The following FRMPD4 variants were observed in gnomAD, a reference collection of about 807,000 sequenced individuals.
The protein encoded by FRMPD4 is FERM and PDZ domain containing 4, also known as FERM and PDZ domain-containing protein 4.
Under a neutral mutation model 94.1 loss-of-function variants are expected in FRMPD4, and 22 were observed. The ratio of observed to expected loss-of-function variants is 0.23; its 90% CI spans 0.17 to 0.33. The LOEUF (loss-of-function observed/expected upper bound fraction) is 0.33, where lower values mean the gene tolerates loss of function less well. FRMPD4 is among the 10% of genes least tolerant of loss of function. The probability of loss-of-function intolerance (pLI) is 1.00; values close to 1 mark genes in which losing one functional copy is unlikely to be tolerated. For missense variants in FRMPD4, 1,111 were observed against 1,339.9 expected, an observed-to-expected ratio of 0.83 and a Z score of 2.67; for synonymous variants, 631 against 548.6, an observed-to-expected ratio of 1.15 and a Z score of -2.10.
At chrX:12,343,143 AC>A (rs775357216) in intron 1 of FRMPD4, among the ~76,000 whole-genome samples, 1,356 of 112,177 alleles carry the variant, frequency 0.012, 12 homozygotes, top group Non-Finnish European at 0.018. Context: ...CACTGGAGAG[AC>A]AGTCAATTGA....
At chrX:12,294,450 C>T (rs1451741790) in intron 1 of FRMPD4, among the ~76,000 whole-genome samples, 3 of 69,154 alleles carry the variant, frequency 4.3e-5, no homozygotes, top group African/African-American at 5.9e-5. Flanking sequence ...AAAAACTTGG[C>T]TATAAACTCA....
chrX:12,082,171 T>C (rs1172400976), intron 3 of FRMPD4, among the ~76,000 whole-genome samples: 1 of 111,994 alleles, frequency 8.9e-6, no homozygotes, highest in African/African-American at 3.2e-5. Flanking sequence ...CTTATTGATA[T>C]GGTTTGGCTG....
At chrX:12,715,508 G>T in intron 14 of FRMPD4, among the ~76,000 whole-genome samples, 1 of 111,624 alleles carries the variant, frequency 9.0e-6, no homozygotes, top group Non-Finnish European at 1.9e-5. Flanking sequence ...GAAGATAGAA[G>T]TTTTGTACTA....
intron 9 of FRMPD4, among the ~76,000 whole-genome samples, chrX:12,697,989 G>T (rs1383433957): frequency 8.9e-6 from 1 of 112,124 alleles, no homozygotes. Context: ...GCTACCATAA[G>T]TCTAAAATAA....
intron 1 of FRMPD4, among the ~76,000 whole-genome samples, chrX:12,418,624 C>T (rs998376394): frequency 8.2e-5 from 9 of 109,898 alleles, no homozygotes; most frequent in Non-Finnish European, 1.2e-4. Flanking sequence ...TCCCAAAGTA[C>T]TGGGATTACA....
chrX:11,850,448 G>A (rs1193091802), intron 1 of FRMPD4, among the ~76,000 whole-genome samples: 1 of 111,747 alleles, frequency 8.9e-6, no homozygotes, highest in Non-Finnish European at 1.9e-5. Flanking sequence ...TCTACTTCGG[G>A]GTTTATACAC....
intron 1 of FRMPD4, among the ~76,000 whole-genome samples, chrX:12,364,370 C>T (rs780498211): frequency 2.3e-4 from 26 of 111,211 alleles, no homozygotes; most frequent in Non-Finnish European, 3.8e-4. Flanking sequence ...TTGTGGTTTT[C>T]ATGGGAAGGA....
chrX:12,043,259 T>C (rs978790803), intron 3 of FRMPD4, among the ~76,000 whole-genome samples: 1 of 112,100 alleles, frequency 8.9e-6, no homozygotes, highest in African/African-American at 3.2e-5. Flanking sequence ...TGTATGTATG[T>C]ATGACTTTTT....
chrX:12,572,086 C>A lies in FRMPD4; in HGVS notation c.159-37635C>A, dbSNP rs984665608. Among the ~76,000 whole-genome samples, 5 of 112,297 alleles carry A rather than the reference C, an allele frequency of 4.5e-5. No individual in the cohort carries two copies. The Admixed American group carries it at 4.7e-4, about 11-fold the overall frequency. ...TCAAAATACTCCTACCCAAAGGTTT[C>A]CCTAAGAAAGGAGCCCCTGTTTTTA... On this transcript the variant is annotated intron_variant, in intron 2 of 16. Transcript: ENST00000675598.
chrX:12,331,974 ATATT>A (rs1569234572), intron 1 of FRMPD4, among the ~76,000 whole-genome samples: 1 of 48,016 alleles, frequency 2.1e-5, no homozygotes, highest in Non-Finnish European at 3.2e-5. Context: ...TAAATTATAT[ATATT>A]TATATACTAT....
intron 1 of FRMPD4, among the ~76,000 whole-genome samples, chrX:12,297,135 G>A (rs1325701775): frequency 1.8e-5 from 2 of 112,734 alleles, no homozygotes; most frequent in East Asian, 5.5e-4. Context: ...ACTAAGCTAA[G>A]TGATAAAGGA....
chrX:12,110,482 T>C (rs1416097038), intron 3 of FRMPD4, among the ~76,000 whole-genome samples: 1 of 111,755 alleles, frequency 8.9e-6, no homozygotes, highest in Non-Finnish European at 1.9e-5. Context: ...GGGCAAAAAC[T>C]GGAAGCATTC....
At chrX:12,092,578 G>A (rs1295889337) in intron 3 of FRMPD4, among the ~76,000 whole-genome samples, 1 of 111,947 alleles carries the variant, frequency 8.9e-6, no homozygotes, top group African/African-American at 3.3e-5. Flanking sequence ...ATGTGGTGCT[G>A]GAGGAGGCTA....
intron 1 of FRMPD4, among the ~76,000 whole-genome samples, chrX:12,376,462 A>T (rs1451639550): frequency 8.9e-6 from 1 of 112,902 alleles, no homozygotes; most frequent in Non-Finnish European, 1.9e-5. Context: ...CTGAATTTGT[A>T]TACTTAGGTC....
At chrX:12,179,086 C>T (rs892865600) in intron 1 of FRMPD4, among the ~76,000 whole-genome samples, 2 of 111,843 alleles carry the variant, frequency 1.8e-5, no homozygotes, top group African/African-American at 6.5e-5. Context: ...CCAAGGAAAT[C>T]TCACAGACTT....
chrX:12,050,413 G>T lies in FRMPD4; in HGVS notation c.95+172395G>T, dbSNP rs960939923. On this transcript the variant is annotated intron_variant, in intron 3 of 18. Coordinates refer to the FRMPD4 transcript ENST00000640291. Reference sequence around the variant, plus strand: ...CAGGTTTGTTGCCTAGGAACAATAGGTTATATCATATAACCGAGGTGTGAA... The same window carrying T: ...CAGGTTTGTTGCCTAGGAACAATAGTTTATATCATATAACCGAGGTGTGAA... Among the ~76,000 whole-genome samples the T allele has an allele frequency of 1.9e-4, 21 of 111,651 alleles. 1 individual carries two copies. Among genetic ancestry groups the T allele is most frequent in the African/African-American group, 6.8e-4 (21 of 30,750 alleles).
intron 3 of FRMPD4, among the ~76,000 whole-genome samples, chrX:12,020,582 A>G (rs2054627402): frequency 8.9e-6 from 1 of 111,843 alleles, no homozygotes. Flanking sequence ...ACATTACTCT[A>G]CTGGCCAGAG....
chrX:12,485,860 G>A (rs1017359914), intron 1 of FRMPD4, among the ~76,000 whole-genome samples: 3 of 109,971 alleles, frequency 2.7e-5, no homozygotes, highest in African/African-American at 1.0e-4. Context: ...AGTGAACCAA[G>A]ATGGCGCCAT....
chrX:12,304,852 C>T (rs1192242510), intron 1 of FRMPD4, among the ~76,000 whole-genome samples: 1 of 112,061 alleles, frequency 8.9e-6, no homozygotes, highest in African/African-American at 3.2e-5. Flanking sequence ...AGACATGATA[C>T]AATCTGTTGT....
Sources: allele counts gnomAD v4.1 joint callset (sites outside exome capture counted in the v4.1 genomes callset), GRCh38; gene constraint gnomAD v4.1.1; transcripts MANE v1.5; gene names NCBI Gene and HGNC (gene_info 2026-07-23, HGNC 2026-07-21).